The following TCF20 variants were observed in gnomAD, a reference collection of about 807,000 sequenced individuals.
TCF20 encodes the protein transcription factor 20, also known as SPRE-binding protein.
In TCF20, 3 loss-of-function variants were observed where a neutral mutation model predicts 148.6. The ratio of observed to expected loss-of-function variants is 0.02; its 90% CI spans 0.01 to 0.05. The LOEUF is 0.05. TCF20 is among the 10% of genes least tolerant of loss of function. The pLI is 1.00. For missense variants in TCF20, 2,350 were observed against 2,429.3 expected (o/e 0.97, Z 0.69); for synonymous variants, 1,049 against 909.5 (o/e 1.15, Z -2.76).
chr22:42,161,499 G>T, intron 5 of TCF20, 141 bp from the exon 6 acceptor site: 2 of 1,091,304 alleles, frequency 1.8e-6, no homozygotes, highest in Non-Finnish European at 2.7e-6. Context: ...GCTGATATGG[G>T]ACACACCCGA....
At chr22:42,233,535 G>A (rs765795959) in intron 1 of TCF20, among the ~76,000 whole-genome samples, 16 of 152,242 alleles carry the variant, frequency 1.1e-4, no homozygotes, top group South Asian at 1.0e-3. Flanking sequence ...AGTGCAAATC[G>A]CACTTTTCCC....
upstream of TCF20, among the ~76,000 whole-genome samples, chr22:42,284,031 C>T (rs1043322237): frequency 1.3e-5 from 2 of 152,168 alleles, no homozygotes; most frequent in South Asian, 4.1e-4. Flanking sequence ...GTCACAGGGC[C>T]GGGGCGGTGA....
intron 1 of TCF20, among the ~76,000 whole-genome samples, chr22:42,251,117 A>G (rs567733649): frequency 1.3e-5 from 2 of 152,226 alleles, no homozygotes; most frequent in Non-Finnish European, 2.9e-5. Flanking sequence ...CACATATCCA[A>G]ACTATATTAA....
chr22:42,312,020 A>G (rs1213290537), intron 1 of TCF20, among the ~76,000 whole-genome samples: 1 of 152,232 alleles, frequency 6.6e-6, no homozygotes, highest in Non-Finnish European at 1.5e-5. Context: ...CCAAAAGGCA[A>G]CAGAGAAGGA....
chr22:42,208,042 C>T (rs1938510539), intron 2 of TCF20, among the ~76,000 whole-genome samples: 1 of 152,084 alleles, frequency 6.6e-6, no homozygotes, highest in Non-Finnish European at 1.5e-5. Flanking sequence ...AAGTAAAAAA[C>T]TTAGCCAGGT....
upstream of TCF20, among the ~76,000 whole-genome samples, chr22:42,288,011 C>A (rs544210656): frequency 4.1e-4 from 63 of 152,316 alleles, 2 homozygotes; most frequent in Admixed American, 3.6e-3. Flanking sequence ...GCACCCTGGG[C>A]AAAGAGGAGG....
intron 1 of TCF20, among the ~76,000 whole-genome samples, chr22:42,256,970 T>C (rs969982787): frequency 5.9e-5 from 9 of 152,110 alleles, no homozygotes; most frequent in African/African-American, 2.2e-4. Flanking sequence ...ATCAGCCTGG[T>C]CAACATAGAG....
At chr22:42,231,952 A>G (rs1169953056) in intron 1 of TCF20, among the ~76,000 whole-genome samples, 1 of 148,610 alleles carries the variant, frequency 6.7e-6, no homozygotes, top group Admixed American at 6.7e-5. Context: ...AAAAAGTTAC[A>G]GTAATCTAAG....
At chr22:42,272,182 GATT>G, upstream of TCF20, among the ~76,000 whole-genome samples, 1 of 152,348 alleles carries the variant, frequency 6.6e-6, no homozygotes, top group South Asian at 2.1e-4. Context: ...CCTGCCCTCT[GATT>G]ATTCCCATTG....
intron 3 of TCF20, among the ~76,000 whole-genome samples, chr22:42,171,648 T>C (rs1936138569): frequency 6.6e-6 from 1 of 152,132 alleles, no homozygotes; most frequent in African/African-American, 2.4e-5. Flanking sequence ...AACCCACAAG[T>C]ACATAGTGTG....
intron 1 of TCF20, among the ~76,000 whole-genome samples, chr22:42,296,737 A>G (rs1355604412): frequency 6.6e-6 from 1 of 152,198 alleles, no homozygotes; most frequent in East Asian, 1.9e-4. Flanking sequence ...CCGAGCCACA[A>G]GGGGGCCCTG....
In TCF20 at chr22:42,254,959, C is replaced by CAAAAAAAAAA. The variant is rs10625678; in HGVS notation, c.-37+15370_-37+15379dup. On this transcript the variant is annotated intron_variant, in intron 1 of 5. Transcript: ENST00000677622. Reference sequence around the variant, plus strand: ...TGGGTGACACAGCAAGACTCCGTCTCAAAAAAAAAAAAAAAAAAAAGGTAG... The same window carrying CAAAAAAAAAA: ...TGGGTGACACAGCAAGACTCCGTCTCAAAAAAAAAAAAAAAAAAAAAAAAAAAAAAGGTAG... Among the ~76,000 whole-genome samples, 13 of 62,802 alleles carry CAAAAAAAAAA rather than the reference C, an allele frequency of 2.1e-4. 1 individual carries two copies. Among genetic ancestry groups the CAAAAAAAAAA allele is most frequent in the African/African-American group, 9.6e-4 (10 of 10,454 alleles). The allele number at this position is 62,802 out of a possible 152,430, so 41.2% of individuals were successfully genotyped here.
intron 1 of TCF20, among the ~76,000 whole-genome samples, chr22:42,227,789 G>T (rs1286175641): frequency 6.6e-6 from 1 of 152,130 alleles, no homozygotes; most frequent in Non-Finnish European, 1.5e-5. Context: ...TGCTTCCTTA[G>T]CGGCAATACC....
intron 1 of TCF20, among the ~76,000 whole-genome samples, chr22:42,228,029 T>C (rs1923068246): frequency 6.6e-6 from 1 of 152,304 alleles, no homozygotes; most frequent in East Asian, 1.9e-4. Context: ...TTATAAAAAG[T>C]AAGAGCCACA....
intron 1 of TCF20, among the ~76,000 whole-genome samples, chr22:42,278,020 G>A (rs778917296): frequency 6.6e-6 from 1 of 152,250 alleles, no homozygotes; most frequent in Non-Finnish European, 1.5e-5. Context: ...CGAAGGAGCA[G>A]GGCTGCCTGT....
At chr22:42,310,824 G>A (rs1196328104) in intron 1 of TCF20, among the ~76,000 whole-genome samples, 2 of 152,200 alleles carry the variant, frequency 1.3e-5, no homozygotes, top group Admixed American at 1.3e-4. Flanking sequence ...AGGCCACTCT[G>A]AGAGCCCAGG....
In TCF20 at chr22:42,211,715, TGGA is replaced by T. The variant is rs1340871838; in HGVS notation, c.3588_3590del (p.Pro1197del). 6.2e-7 allele frequency: 1 copy of T among 1,614,194 alleles called. No homozygotes were observed. Among genetic ancestry groups the T allele is most frequent in the Non-Finnish European group, 8.5e-7 (1 of 1,180,026 alleles). On this transcript the variant is annotated inframe_deletion, in exon 2 of 6. Transcript: ENST00000677622. ...TTCCTGGAGGACCGCTGCTTTTGGC[TGGA>T]GAAGTTTGCCGAGAAAGATCCCAAC...
chr22:42,311,013 A>G (rs1927525656), intron 1 of TCF20, among the ~76,000 whole-genome samples: 1 of 152,206 alleles, frequency 6.6e-6, no homozygotes, highest in Non-Finnish European at 1.5e-5. Context: ...GGAGGGAGGA[A>G]CACTTAGGAA....
intron 1 of TCF20, among the ~76,000 whole-genome samples, chr22:42,218,598 A>T (rs1055953748): frequency 3.3e-5 from 5 of 152,238 alleles, no homozygotes; most frequent in African/African-American, 1.2e-4. Flanking sequence ...GATATTCTCT[A>T]TAAAAAGCTA....
Sources: gnomAD v4.1 joint callset for allele counts (sites outside exome capture counted in the v4.1 genomes callset) on GRCh38, gnomAD v4.1.1 for gene constraint, MANE v1.5 for transcripts, NCBI Gene and HGNC (gene_info 2026-07-23, HGNC 2026-07-21) for gene names.